The following RPGRIP1L variants were observed in gnomAD, a reference collection of about 807,000 sequenced individuals.
The protein encoded by RPGRIP1L is RPGRIP1 like, also known as protein fantom.
RPGRIP1L carries 131 observed loss-of-function variants against 160.4 expected under a neutral mutation model. The ratio of observed to expected loss-of-function variants is 0.82; its 90% CI spans 0.71 to 0.94. RPGRIP1L has a LOEUF of 0.94. Among genes scored for constraint, RPGRIP1L ranks in the 40% least tolerant of loss-of-function variants. The pLI is 0.00. For missense variants in RPGRIP1L, 1,522 were observed against 1,535.8 expected, an observed-to-expected ratio of 0.99 and a Z score of 0.15; for synonymous variants, 510 against 515.8, an observed-to-expected ratio of 0.99 and a Z score of 0.15.
Position 53,648,988 on chromosome 16 carries a change from A to G in RPGRIP1L, c.2280T>C (p.Phe760=). The G allele has an allele frequency of 6.2e-7, 1 of 1,614,068 alleles. No individual in the cohort carries two copies. The highest frequency in any genetic ancestry group is 8.5e-7 in the Non-Finnish European group (1 of 1,179,946). ...AKALGYITSN[F]KGPEHMQSLS... Reference sequence around the variant, plus strand: ...CCGACTGCATATGCTCTGGCCCCTTAAAATTTGATGTTATATACCCCAAAG... The same window carrying G: ...CCGACTGCATATGCTCTGGCCCCTTGAAATTTGATGTTATATACCCCAAAG... The change falls in exon 16 of 27, where the codon TTT becomes TTC. Residue 760 remains phenylalanine (F), a synonymous_variant. Coordinates refer to ENST00000647211, the MANE Select transcript of RPGRIP1L (RefSeq NM_015272.5).
At chr16:53,669,622 T>C (rs1365589072) in intron 9 of RPGRIP1L, among the ~76,000 whole-genome samples, 2 of 152,152 alleles carry the variant, frequency 1.3e-5, no homozygotes, top group African/African-American at 4.8e-5. Flanking sequence ...CAAGTAAGTA[T>C]GTTCAGCAAA....
At chr16:53,673,193 C>T (rs548446105) in intron 7 of RPGRIP1L, among the ~76,000 whole-genome samples, 177 bp from the exon 8 acceptor site, 5 of 152,126 alleles carry the variant, frequency 3.3e-5, no homozygotes, top group South Asian at 2.1e-4. Context: ...CCGTAGGAGA[C>T]GCTCTGAACA....
intron 6 of RPGRIP1L, among the ~76,000 whole-genome samples, chr16:53,682,560 A>C (rs1969688118): frequency 6.6e-6 from 1 of 151,112 alleles, no homozygotes; most frequent in South Asian, 2.1e-4. Context: ...TACAGTGTCC[A>C]CCTTACACTA....
chr16:53,598,644 T>C lies in RPGRIP1L; in HGVS notation c.*3432A>G, dbSNP rs1598192746. The C allele has an allele frequency of 1.3e-5, 2 of 152,254 alleles. No individual in the cohort carries two copies. The highest frequency in any genetic ancestry group is 4.8e-5 in the African/African-American group (2 of 41,472). The allele number at this position is 152,254 out of a possible 1,614,324, so 9.4% of individuals were successfully genotyped here. ...CTGGTTGACCTAGAGGTTGTTTTTG[T>C]TCTGAACAAAGGGGATGTAAATCTG... On this transcript the variant is annotated 3_prime_UTR_variant, in exon 27 of 27. Transcript: ENST00000647211.
intron 4 of RPGRIP1L, among the ~76,000 whole-genome samples, chr16:53,689,631 T>C (rs1455317739): frequency 1.3e-5 from 2 of 152,228 alleles, no homozygotes; most frequent in Non-Finnish European, 2.9e-5. Flanking sequence ...TAAAGGTTGC[T>C]TGTGGCCAGA....
chr16:53,601,935 C>A lies in RPGRIP1L; in HGVS notation c.*141G>T, dbSNP rs1449006999. 4.5e-6 allele frequency: 3 copies of A among 670,346 alleles called. No individual in the cohort carries two copies. In the Admixed American group the frequency reaches 6.6e-5, roughly 15 times the overall value. 41.5% of individuals were successfully genotyped at this position (670,346 alleles called of 1,614,324 possible). A position where few individuals can be genotyped will look rare whatever the true frequency, so the allele number is the denominator to read the frequency against. On this transcript the variant is annotated 3_prime_UTR_variant, in exon 27 of 27. Coordinates refer to ENST00000647211, the MANE Select transcript of RPGRIP1L (RefSeq NM_015272.5). ...AATGAAAAAGTATACAAAACTTCAA[C>A]ACTTCAAACCCAGGTCTCCCCGCTC... is the stretch of plus-strand genomic sequence containing the variant.
intron 2 of RPGRIP1L, among the ~76,000 whole-genome samples, chr16:53,698,574 T>C (rs62048365): frequency 7.8e-6 from 1 of 127,594 alleles, no homozygotes; most frequent in South Asian, 2.7e-4. Context: ...GCCAGCCGCC[T>C]CGTCCAGGAG....
At chr16:53,630,018 T>A (rs879471376) in intron 22 of RPGRIP1L, among the ~76,000 whole-genome samples, 12 of 151,540 alleles carry the variant, frequency 7.9e-5, no homozygotes, top group Admixed American at 4.6e-4. Flanking sequence ...CAAATAAAAA[T>A]ATATATATAG....
chr16:53,636,715 T>C (rs1965857792), intron 21 of RPGRIP1L, among the ~76,000 whole-genome samples: 1 of 152,086 alleles, frequency 6.6e-6, no homozygotes, highest in Non-Finnish European at 1.5e-5. Flanking sequence ...AAGGTTAATT[T>C]TGGTAGAAGC....
At position 53,686,645 on chromosome 16, in the gene RPGRIP1L, A is replaced by G. The variant is rs1010622068; in HGVS notation, c.633-69T>C. ...TTTTTCAATAGTTAAGATCAGTGCA[A>G]AGAAAGTTCTTCATGAAAAAGAGCA... On this transcript the variant is annotated intron_variant, in intron 5 of 26. Transcript: ENST00000647211. The G allele has an allele frequency of 2.0e-6, 3 of 1,517,536 alleles. No homozygotes were observed. The African/African-American group carries it at 4.1e-5, about 21-fold the overall frequency. The allele number at this position is 1,517,536 out of a possible 1,614,324, so 94.0% of individuals were successfully genotyped here. A position where few individuals can be genotyped will look rare whatever the true frequency, so the allele number is the denominator to read the frequency against.
At chr16:53,671,697 T>C (rs757212618) in intron 8 of RPGRIP1L, 114 bp from the exon 9 acceptor site, 9 of 595,768 alleles carry the variant, frequency 1.5e-5, no homozygotes, top group Non-Finnish European at 2.6e-5. Context: ...TTAATCTCGA[T>C]TGCTAAATGG....
intron 22 of RPGRIP1L, 56 bp downstream of exon 22, chr16:53,636,383 G>A: frequency 1.7e-6 from 2 of 1,181,684 alleles, no homozygotes; most frequent in East Asian, 4.7e-5. Context: ...CATATGTACT[G>A]TGAATGAAAG....
At chr16:53,669,369 A>G (rs191656368) in intron 9 of RPGRIP1L, among the ~76,000 whole-genome samples, 1 of 152,184 alleles carries the variant, frequency 6.6e-6, no homozygotes, top group Admixed American at 6.5e-5. Flanking sequence ...TTACTTCCAT[A>G]TATCTCACAT....
chr16:53,636,428 A>G lies in RPGRIP1L; in HGVS notation c.3294+11T>C, dbSNP rs767032223. On this transcript the variant is annotated intron_variant, in intron 22 of 26. Transcript: ENST00000647211. ...TTTCAGAACATTTCTAGTTGGCATC[A>G]AGTTACTGACCTGTTTGATATTCTT... The G allele has an allele frequency of 3.8e-6, 6 of 1,587,176 alleles. No individual in the cohort carries two copies. The African/African-American group carries it at 6.7e-5, about 18-fold the overall frequency.
chr16:53,695,597 AT>A (rs1403467031), intron 3 of RPGRIP1L: 1 of 583,666 alleles, frequency 1.7e-6, no homozygotes, highest in East Asian at 2.8e-5. Flanking sequence ...TTAAGAAATC[AT>A]TTTTGCCAAG....
chr16:53,605,553 T>C lies in RPGRIP1L; in HGVS notation c.3763A>G (p.Ile1255Val), dbSNP rs1192962551. The change falls in exon 26 of 27, where the codon ATT (isoleucine) becomes GTT (valine). Residue 1255 changes from isoleucine to valine, a missense_variant. Coordinates refer to ENST00000647211, the MANE Select transcript of RPGRIP1L (RefSeq NM_015272.5). Reference protein sequence around the residue: ...EDEQDLECEDIGVAHVDLADM... With the variant: ...EDEQDLECEDVGVAHVDLADM... ...GCAAGGTCGACGTGAGCCACGCCAATGTCCTCACACTCCAGGTCCTGCTCG... is the reference window on the plus strand; with the variant it reads ...GCAAGGTCGACGTGAGCCACGCCAACGTCCTCACACTCCAGGTCCTGCTCG... The C allele has an allele frequency of 5.0e-6, 8 of 1,614,086 alleles. No individual in the cohort carries two copies. The highest frequency in any genetic ancestry group is 2.2e-5 in the South Asian group (2 of 91,090).
chr16:53,641,479 T>C lies in RPGRIP1L; in HGVS notation c.2684-4A>G. On this transcript the variant is annotated splice_polypyrimidine_tract_variant and splice_region_variant and intron_variant, in intron 17 of 26. Coordinates refer to ENST00000647211, the MANE Select transcript of RPGRIP1L (RefSeq NM_015272.5). ...TGGTCTGTTAACTCAAATATTCCTG[T>C]CAAATTACAATAATTTTAATTAATG... The C allele has an allele frequency of 6.2e-7, 1 of 1,610,210 alleles. No homozygotes were observed. The highest frequency in any genetic ancestry group is 1.3e-5 in the African/African-American group (1 of 74,962).
intron 16 of RPGRIP1L, among the ~76,000 whole-genome samples, chr16:53,648,628 A>G (rs4346199): frequency 3.1e-4 from 41 of 130,968 alleles, no homozygotes; most frequent in East Asian, 2.0e-3. Context: ...GCGCGCGCGC[A>G]CACACACACA....
chr16:53,605,222 T>C (rs1027107194), intron 26 of RPGRIP1L, among the ~76,000 whole-genome samples: 8 of 151,756 alleles, frequency 5.3e-5, no homozygotes, highest in African/African-American at 1.7e-4. Context: ...CTTCACTCAA[T>C]ACTAACAAAT....
Sources: gnomAD v4.1 joint callset for allele counts (sites outside exome capture counted in the v4.1 genomes callset) on GRCh38, gnomAD v4.1.1 for gene constraint, MANE v1.5 for transcripts, NCBI Gene and HGNC (gene_info 2026-07-23, HGNC 2026-07-21) for gene names.